Variants in PDE4B observed in about 807,000 individuals in gnomAD.
PDE4B encodes 3',5'-cyclic-AMP phosphodiesterase 4B.
A neutral mutation model predicts 82.2 loss-of-function variants in PDE4B; 20 were observed. The ratio of observed to expected loss-of-function variants is 0.24; its 90% CI spans 0.17 to 0.35. The LOEUF is 0.35. PDE4B is among the 10% of genes least tolerant of loss of function. The pLI, the probability that PDE4B is intolerant of heterozygous loss-of-function variation, is 1.00. For missense variants in PDE4B, 655 were observed against 907.2 expected, an observed-to-expected ratio of 0.72 and a Z score of 3.57; for synonymous variants, 320 against 318.9, an observed-to-expected ratio of 1.00 and a Z score of -0.04.
At chr1:65,884,066 T>A (rs1646741618) in intron 1 of PDE4B, among the ~76,000 whole-genome samples, 1 of 152,156 alleles carries the variant, frequency 6.6e-6, no homozygotes, top group African/African-American at 2.4e-5. Flanking sequence ...TGCCAGTATT[T>A]TATTGAGGAT....
intron 3 of PDE4B, among the ~76,000 whole-genome samples, chr1:65,989,148 G>T (rs914878210): frequency 3.3e-5 from 5 of 151,884 alleles, no homozygotes; most frequent in African/African-American, 1.2e-4. Context: ...ATTTTATTAT[G>T]ATAAATTATT....
At chr1:65,863,246 T>C (rs764891193) in intron 1 of PDE4B, among the ~76,000 whole-genome samples, 83 of 152,344 alleles carry the variant, frequency 5.4e-4, no homozygotes, top group Non-Finnish European at 5.3e-4. Context: ...ATTTCTTCCT[T>C]AATTTCATTA....
intron 8 of PDE4B, among the ~76,000 whole-genome samples, chr1:66,352,648 C>T (rs1286141139): frequency 6.6e-6 from 1 of 152,110 alleles, no homozygotes; most frequent in Non-Finnish European, 1.5e-5. Flanking sequence ...ACAACATGCC[C>T]TAATATATCT....
At chr1:66,110,402 GAAAGTGAA>G (rs1645459010) in intron 3 of PDE4B, among the ~76,000 whole-genome samples, 1 of 151,934 alleles carries the variant, frequency 6.6e-6, no homozygotes, top group Non-Finnish European at 1.5e-5. Flanking sequence ...CATCCTTGAA[GAAAGTGAA>G]AAAGGTCAAT....
intron 7 of PDE4B, among the ~76,000 whole-genome samples, chr1:66,322,672 A>G (rs1178592918): frequency 6.6e-6 from 1 of 151,954 alleles, no homozygotes; most frequent in Non-Finnish European, 1.5e-5. Flanking sequence ...CATGCTGGAG[A>G]GGATGTGGAG....
chr1:66,248,726 T>A (rs1653518641), intron 4 of PDE4B, among the ~76,000 whole-genome samples: 1 of 152,128 alleles, frequency 6.6e-6, no homozygotes. Flanking sequence ...GCATATCTCA[T>A]TCTCAAAAAA....
At chr1:65,849,414 G>A (rs576495278) in intron 1 of PDE4B, among the ~76,000 whole-genome samples, 1 of 152,328 alleles carries the variant, frequency 6.6e-6, no homozygotes, top group East Asian at 1.9e-4. Context: ...AGGGGAAGCT[G>A]AGAACAGGGA....
chr1:66,247,258 C>T (rs1043019875), intron 3 of PDE4B, among the ~76,000 whole-genome samples: 17 of 152,126 alleles, frequency 1.1e-4, no homozygotes, highest in South Asian at 2.1e-4. Flanking sequence ...AACTTCAGTG[C>T]GACTCAGTTT....
chr1:65,918,235 C>T (rs561770097), intron 2 of PDE4B, among the ~76,000 whole-genome samples: 21 of 152,156 alleles, frequency 1.4e-4, no homozygotes, highest in East Asian at 1.4e-3. Context: ...AGTTGCAGAA[C>T]GATAACATTG....
At chr1:66,199,628 T>G (rs1279402597) in intron 3 of PDE4B, among the ~76,000 whole-genome samples, 3 of 152,226 alleles carry the variant, frequency 2.0e-5, no homozygotes, top group Non-Finnish European at 4.4e-5. Context: ...GCAGAAAATG[T>G]GGAGAAAAAA....
At chr1:65,955,223 G>A (rs1292979283) in intron 3 of PDE4B, among the ~76,000 whole-genome samples, 1 of 152,096 alleles carries the variant, frequency 6.6e-6, no homozygotes, top group African/African-American at 2.4e-5. Context: ...CATCTCAGAT[G>A]TTAGTTTCAG....
intron 13 of PDE4B, among the ~76,000 whole-genome samples, chr1:66,366,268 T>C (rs1016750342): frequency 1.3e-5 from 2 of 152,128 alleles, no homozygotes; most frequent in South Asian, 4.1e-4. Flanking sequence ...CATTAAAAGT[T>C]CCATACATTT....
At chr1:66,042,380 T>A (rs1654434451) in intron 3 of PDE4B, 1 of 151,806 alleles carries the variant, frequency 6.6e-6, no homozygotes, top group African/African-American at 2.4e-5. Flanking sequence ...AGAAAGTAAA[T>A]TCAAGGTCCA....
At chr1:65,871,848 C>G (rs559416643) in intron 1 of PDE4B, among the ~76,000 whole-genome samples, 4 of 152,142 alleles carry the variant, frequency 2.6e-5, no homozygotes, top group African/African-American at 9.7e-5. Context: ...CTCTAGATGT[C>G]TACTTAATAT....
chr1:65,923,125 C>G (rs1213566721), intron 3 of PDE4B, among the ~76,000 whole-genome samples: 1 of 152,112 alleles, frequency 6.6e-6, no homozygotes, highest in Non-Finnish European at 1.5e-5. Context: ...TTAGCAGGAC[C>G]TTGAAGCATG....
At chr1:65,975,177 T>C (rs1650342390) in intron 3 of PDE4B, among the ~76,000 whole-genome samples, 1 of 152,200 alleles carries the variant, frequency 6.6e-6, no homozygotes, top group African/African-American at 2.4e-5. Context: ...GAGAAACTTA[T>C]TCAGAACTGG....
chr1:66,113,463 A>G (rs191159201), intron 3 of PDE4B, among the ~76,000 whole-genome samples: 108 of 151,954 alleles, frequency 7.1e-4, no homozygotes, highest in Non-Finnish European at 9.3e-4. Flanking sequence ...TTATTTTCAT[A>G]CATGCATTTT....
intron 7 of PDE4B, chr1:66,266,676 G>A (rs777445446): frequency 3.8e-6 from 2 of 527,928 alleles, no homozygotes; most frequent in Non-Finnish European, 7.8e-6. Context: ...TTTCAGGACA[G>A]TGCATCCACT....
At chr1:66,053,244 G>A (rs552677210) in intron 3 of PDE4B, among the ~76,000 whole-genome samples, 2 of 152,196 alleles carry the variant, frequency 1.3e-5, no homozygotes, top group East Asian at 3.9e-4. Context: ...AATTATACAT[G>A]TTCTTATATT....
Sources: gnomAD v4.1 joint callset for allele counts (sites outside exome capture counted in the v4.1 genomes callset) on GRCh38, gnomAD v4.1.1 for gene constraint, MANE v1.5 for transcripts, NCBI Gene and HGNC (gene_info 2026-07-23, HGNC 2026-07-21) for gene names.